The following DPYD variants were observed in gnomAD, a reference collection of about 807,000 sequenced individuals.
DPYD encodes dihydropyrimidine dehydrogenase, also known as dihydropyrimidine dehydrogenase [NADP(+)].
DPYD carries 109 observed loss-of-function variants against 116.2 expected under a neutral mutation model. The ratio of observed to expected loss-of-function variants is 0.94; its 90% CI spans 0.80 to 1.10. DPYD has a LOEUF of 1.10. Among genes scored for constraint, DPYD ranks in the 50% least tolerant of loss-of-function variants. DPYD has a pLI of 0.00. For missense variants in DPYD, 1,302 were observed against 1,254.5 expected (o/e 1.04, Z -0.57); for synonymous variants, 440 against 432.0 (o/e 1.02, Z -0.23).
chr1:97,273,249 G>C (rs1242364496), intron 18 of DPYD, among the ~76,000 whole-genome samples: 4 of 152,100 alleles, frequency 2.6e-5, no homozygotes, highest in Non-Finnish European at 5.9e-5. Context: ...TTCTCTAACT[G>C]TTCAGGCCTT....
chr1:97,520,911 T>A (rs1357766856), intron 12 of DPYD, among the ~76,000 whole-genome samples: 2 of 151,936 alleles, frequency 1.3e-5, no homozygotes, highest in African/African-American at 4.8e-5. Flanking sequence ...GTCTTTGCAA[T>A]TGTGAATAGT....
intron 20 of DPYD, among the ~76,000 whole-genome samples, chr1:97,146,775 A>G (rs570744123): frequency 2.0e-5 from 3 of 152,332 alleles, no homozygotes; most frequent in African/African-American, 7.2e-5. Flanking sequence ...ACCAAGTACA[A>G]TTACTCAAAT....
chr1:97,475,187 A>G (rs1324172395), intron 13 of DPYD, among the ~76,000 whole-genome samples: 1 of 152,170 alleles, frequency 6.6e-6, no homozygotes, highest in African/African-American at 2.4e-5. Flanking sequence ...CTATAATATT[A>G]AATTAATGGG....
At chr1:97,299,274 C>A (rs1408730004) in intron 18 of DPYD, among the ~76,000 whole-genome samples, 1 of 152,032 alleles carries the variant, frequency 6.6e-6, no homozygotes, top group Non-Finnish European at 1.5e-5. Context: ...TGAAATCATT[C>A]TTTATGAAAA....
At position 97,317,975 on chromosome 1, in the gene DPYD, A is replaced by C. The variant is rs527551768; in HGVS notation, c.2059-11678T>G. ...TCAACCCAGAATTTCATATCCAGCC[A>C]AACTAAGCTTCATAAGTGAAGGAGA... On this transcript the variant is annotated intron_variant, in intron 16 of 22. Transcript: ENST00000370192. Among the ~76,000 whole-genome samples the C allele has an allele frequency of 2.0e-5, 3 of 151,968 alleles. No homozygotes were observed. The East Asian group carries it at 5.9e-4, about 30-fold the overall frequency.
At chr1:97,815,875 G>C (rs1457652726) in intron 3 of DPYD, among the ~76,000 whole-genome samples, 1 of 152,014 alleles carries the variant, frequency 6.6e-6, no homozygotes, top group Admixed American at 6.6e-5. Flanking sequence ...AGAGGAAATG[G>C]GATCCAGATC....
chr1:97,346,399 T>C (rs1397130107), intron 16 of DPYD, among the ~76,000 whole-genome samples: 3 of 151,914 alleles, frequency 2.0e-5, no homozygotes, highest in South Asian at 2.1e-4. Flanking sequence ...AAGAAATGCA[T>C]ATATTCTAAA....
intron 18 of DPYD, among the ~76,000 whole-genome samples, chr1:97,251,421 A>G (rs376943111): frequency 6.6e-6 from 1 of 151,580 alleles, no homozygotes; most frequent in Non-Finnish European, 1.5e-5. Flanking sequence ...AAAGAAAGAA[A>G]AAAAGAAAAA....
intron 14 of DPYD, among the ~76,000 whole-genome samples, chr1:97,430,046 G>T (rs1675086019): frequency 6.6e-6 from 1 of 152,090 alleles, no homozygotes; most frequent in Non-Finnish European, 1.5e-5. Context: ...TATAATGCTT[G>T]ATAATTAATT....
At chr1:97,174,635 T>C (rs1657118640) in intron 20 of DPYD, among the ~76,000 whole-genome samples, 1 of 152,212 alleles carries the variant, frequency 6.6e-6, no homozygotes, top group African/African-American at 2.4e-5. Context: ...GCTACCTGAT[T>C]AAAAGTAATT....
At chr1:97,559,082 C>A (rs1651946906) in intron 11 of DPYD, among the ~76,000 whole-genome samples, 1 of 152,034 alleles carries the variant, frequency 6.6e-6, no homozygotes, top group African/African-American at 2.4e-5. Context: ...CATTATAATT[C>A]TATGCACATT....
rs550537314 is a variant in DPYD at position 97,414,155 on chromosome 1, T to C, written c.1906-31694A>G. Among the ~76,000 whole-genome samples the C allele has an allele frequency of 2.0e-5, 3 of 152,072 alleles. No homozygotes were observed. The South Asian group carries it at 6.2e-4, about 32-fold the overall frequency. ...AAAAAACAAAAAACACACACACACA[T>C]ATTAAAAATTCTACAACTTGGAAGG... On this transcript the variant is annotated intron_variant, in intron 14 of 22. Transcript: ENST00000370192.
chr1:97,450,221 G>T lies in DPYD; in HGVS notation c.1743C>A (p.Asp581Glu). ...ALTKTFSLDK[D>E]IVTNVSPRII... ...TTCTGGGGGAAACATTTGTCACAAT[G>T]TCCTGATGAAAGAGTAAAGATATTG... Residue 581 changes from aspartate to glutamate, a missense_variant and splice_region_variant, in exon 14 of 23, where the codon GAC becomes GAA. By Grantham distance (45) the Asp-to-Glu change is conservative. Coordinates refer to ENST00000370192, the MANE Select transcript of DPYD (RefSeq NM_000110.4). 1 of 1,613,444 alleles carries T rather than the reference G, an allele frequency of 6.2e-7. No homozygotes were observed. Among genetic ancestry groups the T allele is most frequent in the Non-Finnish European group, 8.5e-7 (1 of 1,179,544 alleles).
intron 19 of DPYD, among the ~76,000 whole-genome samples, chr1:97,216,254 G>A (rs1180639511): frequency 6.6e-6 from 1 of 151,538 alleles, no homozygotes; most frequent in South Asian, 2.1e-4. Context: ...CATATATGAT[G>A]CACAGATACA....
intron 18 of DPYD, among the ~76,000 whole-genome samples, chr1:97,252,013 G>A (rs1402278047): frequency 6.6e-6 from 1 of 150,422 alleles, no homozygotes; most frequent in African/African-American, 2.4e-5. Flanking sequence ...TCTCCAAAAC[G>A]AGAGAGGAGT....
intron 20 of DPYD, among the ~76,000 whole-genome samples, chr1:97,124,253 T>C (rs1395852876): frequency 3.3e-5 from 5 of 152,262 alleles, no homozygotes; most frequent in African/African-American, 1.2e-4. Context: ...TCTGGTATTT[T>C]AATGTGTCAT....
At chr1:97,316,791 T>A (rs1301530117) in intron 16 of DPYD, among the ~76,000 whole-genome samples, 1 of 151,882 alleles carries the variant, frequency 6.6e-6, no homozygotes, top group Non-Finnish European at 1.5e-5. Context: ...CCTGCCTGAA[T>A]TGACCTAAAG....
At chr1:97,208,059 T>G (rs1260210348) in intron 19 of DPYD, among the ~76,000 whole-genome samples, 2 of 152,180 alleles carry the variant, frequency 1.3e-5, no homozygotes, top group South Asian at 2.1e-4. Flanking sequence ...AGTAAAGGCC[T>G]TCTCTCTGTT....
intron 5 of DPYD, among the ~76,000 whole-genome samples, chr1:97,704,007 T>C (rs114838211): frequency 6.6e-6 from 1 of 152,058 alleles, no homozygotes; most frequent in African/African-American, 2.4e-5. Context: ...CAATGTTTTT[T>C]TAGCCACTAA....
Sources: allele counts gnomAD v4.1 joint callset (sites outside exome capture counted in the v4.1 genomes callset), GRCh38; gene constraint gnomAD v4.1.1; transcripts MANE v1.5; gene names NCBI Gene and HGNC (gene_info 2026-07-23, HGNC 2026-07-21).